The following SLC41A3 variants were observed in gnomAD, a reference collection of about 807,000 sequenced individuals.
The protein encoded by SLC41A3 is solute carrier family 41 member 3.
In SLC41A3, 44 loss-of-function variants were observed where a neutral mutation model predicts 45.4. The observed-to-expected ratio is 0.97, with a 90% CI of 0.76 to 1.25. The LOEUF (loss-of-function observed/expected upper bound fraction) is 1.25, where lower values mean the gene tolerates loss of function less well. Ranked by LOEUF, SLC41A3 falls within the 50% of genes most tolerant of loss-of-function variation. SLC41A3 has a pLI of 0.00. For synonymous variants in SLC41A3, 256 were observed against 252.4 expected (o/e 1.01, Z -0.13); for missense variants, 550 against 600.6 (o/e 0.92, Z 0.88).
At chr3:126,023,103 G>T in intron 5 of SLC41A3, 171 bp from the exon 6 acceptor site, 1 of 852,708 alleles carries the variant, frequency 1.2e-6, no homozygotes, top group Non-Finnish European at 1.8e-6. Context: ...AAGCCAGGCT[G>T]CCCTGACTTT....
intron 2 of SLC41A3, among the ~76,000 whole-genome samples, chr3:126,058,614 C>T (rs1010300375): frequency 6.6e-6 from 1 of 152,216 alleles, no homozygotes; most frequent in Non-Finnish European, 1.5e-5. Context: ...CCCTTTGTCC[C>T]TCTAATCTGT....
chr3:126,085,686 G>A (rs941066310), upstream of SLC41A3, among the ~76,000 whole-genome samples: 23 of 152,192 alleles, frequency 1.5e-4, no homozygotes, highest in East Asian at 5.8e-4. Flanking sequence ...GCTTGTCTGC[G>A]CATTTGTGTG....
chr3:126,056,125 A>G (rs1174009253), intron 2 of SLC41A3, among the ~76,000 whole-genome samples: 1 of 152,138 alleles, frequency 6.6e-6, no homozygotes, highest in East Asian at 1.9e-4. Context: ...CATGCAGGCT[A>G]AGGTTCTGAC....
In SLC41A3 at chr3:126,016,267, C is replaced by A. The variant is rs951565705; in HGVS notation, c.890+464G>T. 2.0e-5 allele frequency among the ~76,000 whole-genome samples: 3 copies of A among 152,164 alleles called. No individual in the cohort carries two copies. In the South Asian group the frequency reaches 6.2e-4, roughly 31 times the overall value. ...TTCTAAGGCTCTGGAAGGGCGCTAA[C>A]CCCACAGCTGTCTAGGTCCCACCAG... is the stretch of plus-strand genomic sequence containing the variant. On this transcript the variant is annotated intron_variant, in intron 7 of 10. Transcript: ENST00000360370.
chr3:126,068,532 A>T (rs928204115), intron 1 of SLC41A3, among the ~76,000 whole-genome samples: 36 of 152,130 alleles, frequency 2.4e-4, no homozygotes, highest in Non-Finnish European at 2.2e-4. Flanking sequence ...AAAGCAATTT[A>T]AAAAAAACCC....
chr3:126,018,014 C>T (rs1258982531), intron 6 of SLC41A3, among the ~76,000 whole-genome samples: 1 of 152,162 alleles, frequency 6.6e-6, no homozygotes. Context: ...TCACAAGCAC[C>T]CCCAGGGCCT....
chr3:126,017,104 A>C (rs1180888375), intron 6 of SLC41A3, among the ~76,000 whole-genome samples: 2 of 152,072 alleles, frequency 1.3e-5, no homozygotes, highest in African/African-American at 4.8e-5. Context: ...TCTCTGGCAA[A>C]CTTGCTATTT....
intron 7 of SLC41A3, 74 bp downstream of exon 7, chr3:126,016,653 CAGTG>C: frequency 6.6e-7 from 1 of 1,514,226 alleles, no homozygotes; most frequent in Non-Finnish European, 8.8e-7. Flanking sequence ...TCCCCCAAGG[CAGTG>C]AGTGTCACCC....
At chr3:126,025,237 T>C (rs1941239704) in intron 5 of SLC41A3, 1 of 152,188 alleles carries the variant, frequency 6.6e-6, no homozygotes, top group Admixed American at 6.5e-5. Context: ...GTGTGGCAAC[T>C]GCTTTCCCTG....
intron 4 of SLC41A3, among the ~76,000 whole-genome samples, chr3:126,028,804 A>G (rs1173494086): frequency 6.6e-6 from 1 of 152,262 alleles, no homozygotes; most frequent in Non-Finnish European, 1.5e-5. Flanking sequence ...AGGACTTGGG[A>G]GCCCACCCCT....
At chr3:126,022,288 T>A (rs2107703622) in intron 6 of SLC41A3, among the ~76,000 whole-genome samples, 1 of 152,366 alleles carries the variant, frequency 6.6e-6, no homozygotes, top group Middle Eastern at 3.4e-3. Context: ...AAGGTTGACA[T>A]CAGTAACACC....
intron 2 of SLC41A3, among the ~76,000 whole-genome samples, chr3:126,055,610 T>C (rs1410775678): frequency 1.3e-5 from 2 of 152,224 alleles, no homozygotes; most frequent in South Asian, 2.1e-4. Context: ...GCAGCGGTGA[T>C]AGAGATGAAG....
intron 1 of SLC41A3, among the ~76,000 whole-genome samples, chr3:126,099,228 T>C (rs1301096077): frequency 6.6e-6 from 1 of 152,194 alleles, no homozygotes. Context: ...GAGTAAAATC[T>C]GAATTCAAGT....
At chr3:126,073,289 T>A (rs976032980) in intron 1 of SLC41A3, 6 of 152,040 alleles carry the variant, frequency 3.9e-5, no homozygotes, top group African/African-American at 1.5e-4. Flanking sequence ...ATACAAAAAT[T>A]AGCCAGTCAT....
chr3:126,095,126 C>T lies in SLC41A3; in HGVS notation c.-79+6303G>A, dbSNP rs1304064727. On this transcript the variant is annotated intron_variant, in intron 1 of 9. Coordinates refer to the SLC41A3 transcript ENST00000508835. Reference sequence around the variant, plus strand: ...CTGATTTGGTGGTGAGATCCAATAACAAAAAATTGGGAAATAGGTAAAATA... The same window carrying T: ...CTGATTTGGTGGTGAGATCCAATAATAAAAAATTGGGAAATAGGTAAAATA... 9.9e-6 allele frequency: 6 copies of T among 604,018 alleles called. No homozygotes were observed. In the East Asian group the frequency reaches 1.2e-4, roughly 12 times the overall value. 37.4% of individuals were successfully genotyped at this position (604,018 alleles called of 1,614,324 possible).
intron 1 of SLC41A3, among the ~76,000 whole-genome samples, chr3:126,092,951 A>T (rs886781504): frequency 1.3e-5 from 2 of 152,186 alleles, no homozygotes; most frequent in Non-Finnish European, 2.9e-5. Flanking sequence ...ATTTTGAAGA[A>T]AAAGACCCTC....
Position 126,055,450 on chromosome 3 carries a change from GT to G in SLC41A3, c.274-4401del, listed in dbSNP as rs1943592215. Among the ~76,000 whole-genome samples, 4 of 152,218 alleles carry G rather than the reference GT, an allele frequency of 2.6e-5. No individual in the cohort carries two copies. The South Asian group carries it at 8.3e-4, about 32-fold the overall frequency. Reference sequence around the variant, plus strand: ...AATCATTTGAACCCAGGAGGCGGAGGTTGCAGTGAGCCGAGATCACGCCATT... The same window carrying G: ...AATCATTTGAACCCAGGAGGCGGAGGTGCAGTGAGCCGAGATCACGCCATT... On this transcript the variant is annotated intron_variant, in intron 2 of 10. Coordinates refer to ENST00000360370, the MANE Select transcript of SLC41A3 (RefSeq NM_017836.4).
intron 6 of SLC41A3, among the ~76,000 whole-genome samples, chr3:126,018,103 T>G (rs776881052): frequency 5.3e-5 from 8 of 152,216 alleles, no homozygotes; most frequent in Non-Finnish European, 1.2e-4. Context: ...TACAGTCAGC[T>G]GCTCACACCT....
intron 1 of SLC41A3, among the ~76,000 whole-genome samples, chr3:126,090,028 C>CTTT (rs59737864): frequency 1.7e-4 from 17 of 99,330 alleles, no homozygotes; most frequent in Non-Finnish European, 2.7e-4. Context: ...TCAAGAAAAT[C>CTTT]TTTTTTTTTT....
Sources: allele counts gnomAD v4.1 joint callset (sites outside exome capture counted in the v4.1 genomes callset), GRCh38; gene constraint gnomAD v4.1.1; transcripts MANE v1.5; gene names NCBI Gene and HGNC (gene_info 2026-07-23, HGNC 2026-07-21).